RAD51B: variants seen among roughly 807,000 people sequenced by gnomAD.
RAD51B encodes DNA repair protein RAD51 homolog 2.
In RAD51B, 38 loss-of-function variants were observed where a neutral mutation model predicts 42.2. The observed-to-expected ratio is 0.90, with a 90% CI of 0.70 to 1.18. RAD51B has a LOEUF of 1.18. Among genes scored for constraint, RAD51B ranks in the 50% most tolerant of loss-of-function variants. The pLI is 0.00. For missense variants in RAD51B, 373 were observed against 400.7 expected, an observed-to-expected ratio of 0.93 and a Z score of 0.59; for synonymous variants, 154 against 145.2, an observed-to-expected ratio of 1.06 and a Z score of -0.43.
At chr14:68,430,015 C>T (rs1272305355) in intron 9 of RAD51B, among the ~76,000 whole-genome samples, 1 of 152,056 alleles carries the variant, frequency 6.6e-6, no homozygotes, top group Admixed American at 6.6e-5. Context: ...ATCCTTTCCC[C>T]ATTTCTTGAT....
intron 8 of RAD51B, among the ~76,000 whole-genome samples, chr14:68,335,448 G>A (rs1783472683): frequency 2.6e-5 from 4 of 152,092 alleles, no homozygotes; most frequent in Non-Finnish European, 5.9e-5. Flanking sequence ...TAGTCTCTTA[G>A]TAATTTTCTG....
intron 7 of RAD51B, chr14:68,130,127 G>C (rs774801085): frequency 6.6e-6 from 1 of 152,198 alleles, no homozygotes; most frequent in Non-Finnish European, 1.5e-5. Context: ...TTCCTCTGCA[G>C]CTTTAGAACT....
At chr14:67,847,320 TTTGTTC>T (rs2041649930) in intron 4 of RAD51B, among the ~76,000 whole-genome samples, 1 of 135,016 alleles carries the variant, frequency 7.4e-6, no homozygotes, top group South Asian at 2.2e-4. Flanking sequence ...TTGGGGTTGG[TTTGTTC>T]TTTTTTTTTT....
chr14:68,175,781 G>T (rs2078952045), intron 7 of RAD51B, among the ~76,000 whole-genome samples: 1 of 152,114 alleles, frequency 6.6e-6, no homozygotes, highest in African/African-American at 2.4e-5. Flanking sequence ...TCTGACTTGG[G>T]TTCAAATCAC....
intron 7 of RAD51B, among the ~76,000 whole-genome samples, chr14:68,001,122 T>C (rs1022252129): frequency 6.6e-5 from 10 of 152,170 alleles, no homozygotes; most frequent in Middle Eastern, 3.2e-3. Flanking sequence ...GTTTTTATTA[T>C]GTAATCCAAT....
chr14:68,612,174 C>G (rs1219948539), downstream of RAD51B, among the ~76,000 whole-genome samples: 1 of 152,198 alleles, frequency 6.6e-6, no homozygotes, highest in Admixed American at 6.5e-5. Flanking sequence ...CAGGCTGACC[C>G]AGGAAAAGGC....
chr14:68,362,487 T>C (rs2083045996), intron 8 of RAD51B, among the ~76,000 whole-genome samples: 1 of 152,232 alleles, frequency 6.6e-6, no homozygotes, highest in Non-Finnish European at 1.5e-5. Flanking sequence ...ATCAAGTTTC[T>C]GGTTCTAGAA....
In RAD51B at chr14:68,531,022, CAT is replaced by C. The variant is rs530955405; in HGVS notation, c.1036+62778_1036+62779del. ...ATATTGAAAATTTCAGACTTTGAAA[CAT>C]ATATAATTAAATGTGTATGGTAAAA... On this transcript the variant is annotated intron_variant, in intron 10 of 10. Transcript: ENST00000487270. Among the ~76,000 whole-genome samples, 4 of 151,908 alleles carry C rather than the reference CAT, an allele frequency of 2.6e-5. No individual in the cohort carries two copies. In the East Asian group the frequency reaches 7.7e-4, roughly 29 times the overall value.
Position 68,391,899 on chromosome 14 carries a change from A to G in RAD51B, c.854-19525A>G, listed in dbSNP as rs188821559. Among the ~76,000 whole-genome samples, 17 of 152,212 alleles carry G rather than the reference A, an allele frequency of 1.1e-4. No individual in the cohort carries two copies. The East Asian group carries it at 3.3e-3, about 29-fold the overall frequency. ...CGCCCCATCACACAAAACCATTTCC[A>G]AGGTCATTATTCTGGTTGCGGGGGC... On this transcript the variant is annotated intron_variant, in intron 8 of 10. Coordinates refer to ENST00000471583, the MANE Select transcript of RAD51B (RefSeq NM_133510.4).
At chr14:67,826,908 T>C (rs2040855498) in intron 3 of RAD51B, among the ~76,000 whole-genome samples, 1 of 152,088 alleles carries the variant, frequency 6.6e-6, no homozygotes, top group Non-Finnish European at 1.5e-5. Flanking sequence ...TTCTTGAACT[T>C]ATGAGCTCAA....
At chr14:68,267,512 A>G (rs1199446461) in intron 7 of RAD51B, among the ~76,000 whole-genome samples, 4 of 152,190 alleles carry the variant, frequency 2.6e-5, no homozygotes, top group Admixed American at 6.5e-5. Context: ...ATTTGTGTGT[A>G]AGGTTTGATT....
intron 11 of RAD51B, among the ~76,000 whole-genome samples, chr14:68,677,369 C>T (rs199499464): frequency 6.6e-6 from 1 of 152,300 alleles, no homozygotes; most frequent in East Asian, 1.9e-4. Context: ...CTGCTCCGGC[C>T]CGGGCCTCTT....
At chr14:68,153,441 T>A (rs2078432949) in intron 7 of RAD51B, among the ~76,000 whole-genome samples, 1 of 152,140 alleles carries the variant, frequency 6.6e-6, no homozygotes, top group Non-Finnish European at 1.5e-5. Flanking sequence ...TTGAACTAAT[T>A]TGCATTCCCA....
chr14:68,402,133 G>A (rs2084123779), intron 8 of RAD51B, among the ~76,000 whole-genome samples: 1 of 152,218 alleles, frequency 6.6e-6, no homozygotes, highest in African/African-American at 2.4e-5. Context: ...ATAAATGTCT[G>A]AGCCTATCCC....
chr14:68,339,399 T>C, intron 8 of RAD51B: 1 of 813,770 alleles, frequency 1.2e-6, no homozygotes, highest in Non-Finnish European at 2.0e-6. Flanking sequence ...GGGCTGGATA[T>C]CCTGTCCAAT....
chr14:68,007,665 A>G (rs1485180897), intron 7 of RAD51B, among the ~76,000 whole-genome samples: 1 of 152,046 alleles, frequency 6.6e-6, no homozygotes, highest in Non-Finnish European at 1.5e-5. Flanking sequence ...TTCTTTGGCA[A>G]ACTGTCTTTT....
exon 11 of RAD51B, chr14:68,595,073 G>T (rs1257870946): frequency 9.4e-7 from 1 of 1,067,988 alleles, no homozygotes; most frequent in South Asian, 4.5e-5. Context: ...CTCCTGAGCC[G>T]ATGCCTTCCC....
Position 68,145,091 on chromosome 14 carries a change from A to C in RAD51B, c.757-146793A>C, listed in dbSNP as rs35826023. Among the ~76,000 whole-genome samples, 529 of 152,356 alleles carry C rather than the reference A, an allele frequency of 3.5e-3. 4 individuals are homozygous for C. The highest frequency in any genetic ancestry group is 0.012 in the African/African-American group (501 of 41,586). ...AACATTAGAGCTGGAAAAGCCATTA[A>C]ATATTAACTATCCAAACTCCCTATT... On this transcript the variant is annotated intron_variant, in intron 7 of 10. Coordinates refer to ENST00000471583, the MANE Select transcript of RAD51B (RefSeq NM_133510.4).
intron 7 of RAD51B, among the ~76,000 whole-genome samples, chr14:67,921,593 A>ACG (rs1311796656): frequency 6.6e-6 from 1 of 150,852 alleles, no homozygotes; most frequent in East Asian, 1.9e-4. Flanking sequence ...ACACACACAC[A>ACG]CACACACACA....
Sources: allele counts gnomAD v4.1 joint callset (sites outside exome capture counted in the v4.1 genomes callset), GRCh38; gene constraint gnomAD v4.1.1; transcripts MANE v1.5; gene names NCBI Gene and HGNC (gene_info 2026-07-23, HGNC 2026-07-21).